RGS7: variants seen among roughly 807,000 people sequenced by gnomAD.
RGS7 encodes regulator of G-protein signaling 7.
RGS7 carries 27 observed loss-of-function variants against 81.1 expected under a neutral mutation model. The ratio of observed to expected loss-of-function variants is 0.33; its 90% CI spans 0.25 to 0.46. The LOEUF is 0.46. Among genes scored for constraint, RGS7 ranks in the 20% least tolerant of loss-of-function variants. RGS7 has a pLI of 1.00. For missense variants in RGS7, 396 were observed against 607.4 expected (o/e 0.65, Z 3.66); for synonymous variants, 208 against 207.7 (o/e 1.00, Z -0.01).
At chr1:240,833,346 C>T (rs1694161165) in intron 9 of RGS7, among the ~76,000 whole-genome samples, 1 of 152,156 alleles carries the variant, frequency 6.6e-6, no homozygotes, top group African/African-American at 2.4e-5. Flanking sequence ...AAATTACAAA[C>T]TTATGCATTG....
At chr1:240,954,783 G>T (rs1222003412) in intron 4 of RGS7, among the ~76,000 whole-genome samples, 1 of 152,026 alleles carries the variant, frequency 6.6e-6, no homozygotes, top group African/African-American at 2.4e-5. Flanking sequence ...TATACACATT[G>T]GAAAAGAAGA....
At chr1:241,165,521 A>C (rs1025378338) in intron 2 of RGS7, among the ~76,000 whole-genome samples, 1 of 151,808 alleles carries the variant, frequency 6.6e-6, no homozygotes, top group South Asian at 2.1e-4. Context: ...TCAGTAAACT[A>C]TCGCAAGAAC....
chr1:241,220,694 T>C (rs2074840608), intron 2 of RGS7, among the ~76,000 whole-genome samples: 1 of 152,118 alleles, frequency 6.6e-6, no homozygotes, highest in Non-Finnish European at 1.5e-5. Context: ...ATTAGTATTA[T>C]TAATACTTTT....
chr1:240,864,841 C>T (rs1662933072), intron 9 of RGS7, among the ~76,000 whole-genome samples: 1 of 152,094 alleles, frequency 6.6e-6, no homozygotes, highest in Non-Finnish European at 1.5e-5. Flanking sequence ...GTTGGGACCT[C>T]AGAACTGAAG....
chr1:240,793,178 C>T (rs547919262), intron 18 of RGS7, among the ~76,000 whole-genome samples: 3 of 152,232 alleles, frequency 2.0e-5, no homozygotes, highest in South Asian at 4.2e-4. Context: ...AGGGCTGTAT[C>T]GGACACTCTG....
At chr1:241,309,844 C>T (rs936742146) in intron 2 of RGS7, among the ~76,000 whole-genome samples, 10 of 152,200 alleles carry the variant, frequency 6.6e-5, no homozygotes, top group Non-Finnish European at 1.0e-4. Context: ...ACTTAACACA[C>T]GCGTTGAAGT....
chr1:240,894,714 T>C (rs147400574), intron 6 of RGS7, among the ~76,000 whole-genome samples: 2 of 152,246 alleles, frequency 1.3e-5, no homozygotes, highest in African/African-American at 4.8e-5. Context: ...GGTCTAAAAA[T>C]ATTATTTAGA....
At chr1:240,955,986 GCACTAAAAT>G (rs1680348825) in intron 4 of RGS7, among the ~76,000 whole-genome samples, 1 of 152,172 alleles carries the variant, frequency 6.6e-6, no homozygotes, top group African/African-American at 2.4e-5. Context: ...GTCAGGTATA[GCACTAAAAT>G]CACTAGTGCA....
At chr1:241,324,344 A>AAC (rs1558317232) in intron 2 of RGS7, among the ~76,000 whole-genome samples, 2 of 149,498 alleles carry the variant, frequency 1.3e-5, no homozygotes, top group African/African-American at 5.0e-5. Context: ...AAAAAAAACA[A>AAC]AAAAAAAAGC....
intron 2 of RGS7, among the ~76,000 whole-genome samples, chr1:241,349,639 TC>T (rs1312104081): frequency 6.6e-6 from 1 of 152,206 alleles, no homozygotes; most frequent in African/African-American, 2.4e-5. Context: ...GGCCTTTGTT[TC>T]CTACGGAACT....
intron 6 of RGS7, among the ~76,000 whole-genome samples, chr1:240,910,735 T>G (rs1419472375): frequency 2.0e-5 from 3 of 152,172 alleles, no homozygotes; most frequent in African/African-American, 7.2e-5. Flanking sequence ...AATTTTTTTT[T>G]GAGACAGAGT....
chr1:241,010,972 C>T (rs746825054), intron 3 of RGS7, among the ~76,000 whole-genome samples: 1 of 152,046 alleles, frequency 6.6e-6, no homozygotes, highest in African/African-American at 2.4e-5. Flanking sequence ...TCATAAATCA[C>T]GTGCAATCAA....
chr1:241,342,599 G>C (rs555965326), intron 2 of RGS7, among the ~76,000 whole-genome samples: 12 of 152,300 alleles, frequency 7.9e-5, no homozygotes, highest in African/African-American at 2.9e-4. Context: ...TGATCAAAAA[G>C]CTAGCTCAGA....
At chr1:240,912,012 G>A (rs1245525989) in intron 6 of RGS7, among the ~76,000 whole-genome samples, 1 of 151,066 alleles carries the variant, frequency 6.6e-6, no homozygotes, top group African/African-American at 2.4e-5. Flanking sequence ...TTAGCCAGGC[G>A]AAGTGGCAGG....
intron 2 of RGS7, among the ~76,000 whole-genome samples, chr1:241,288,431 T>C (rs1381913249): frequency 6.6e-6 from 1 of 152,188 alleles, no homozygotes; most frequent in Non-Finnish European, 1.5e-5. Context: ...ATGCCTGTTA[T>C]TGTTCCTCAG....
chr1:240,929,437 A>G (rs1236369900), intron 6 of RGS7, among the ~76,000 whole-genome samples: 1 of 151,996 alleles, frequency 6.6e-6, no homozygotes, highest in Non-Finnish European at 1.5e-5. Flanking sequence ...GAAAGAAATA[A>G]TTTTGTCTCC....
At chr1:240,970,762 A>G (rs968556556) in intron 4 of RGS7, among the ~76,000 whole-genome samples, 2 of 152,150 alleles carry the variant, frequency 1.3e-5, no homozygotes, top group Non-Finnish European at 2.9e-5. Flanking sequence ...TGGCAGGTGG[A>G]TTACTCGAGA....
intron 9 of RGS7, among the ~76,000 whole-genome samples, chr1:240,838,446 A>T (rs1424036433): frequency 2.6e-5 from 4 of 152,322 alleles, no homozygotes; most frequent in Middle Eastern, 3.4e-3. Flanking sequence ...ACATACAGAG[A>T]AAGGCCATAA....
intron 6 of RGS7, among the ~76,000 whole-genome samples, chr1:240,909,092 G>C (rs1248647431): frequency 2.6e-5 from 4 of 152,220 alleles, no homozygotes; most frequent in Non-Finnish European, 4.4e-5. Context: ...TGGGATTCCA[G>C]TAATTTTCCA....
Sources: gnomAD v4.1 joint callset for allele counts (sites outside exome capture counted in the v4.1 genomes callset) on GRCh38, gnomAD v4.1.1 for gene constraint, MANE v1.5 for transcripts, NCBI Gene and HGNC (gene_info 2026-07-23, HGNC 2026-07-21) for gene names.